TERB2: variants seen among roughly 807,000 people sequenced by gnomAD.
TERB2 encodes the protein telomere repeats-binding bouquet formation protein 2.
Under a neutral mutation model 29.8 loss-of-function variants are expected in TERB2, and 26 were observed. That is an observed-to-expected ratio of 0.87 (90% CI 0.64 to 1.21). The LOEUF is 1.21. TERB2 is among the 50% of genes most tolerant of loss of function. The pLI is 0.00. For synonymous variants in TERB2, 80 were observed against 90.8 expected (o/e 0.88, Z 0.68); for missense variants, 240 against 268.6 (o/e 0.89, Z 0.74).
chr15:44,966,791 T>G (rs890443546), intron 5 of TERB2, among the ~76,000 whole-genome samples: 10 of 152,204 alleles, frequency 6.6e-5, no homozygotes, highest in African/African-American at 2.4e-4. Context: ...ATTGCTTTAA[T>G]ATATTACGTT....
At chr15:44,961,236 A>C (rs1367603566) in intron 3 of TERB2, among the ~76,000 whole-genome samples, 2 of 135,882 alleles carry the variant, frequency 1.5e-5, no homozygotes, top group Non-Finnish European at 3.1e-5. Context: ...ACACACATCT[A>C]ATGTAGAGAT....
intron 4 of TERB2, chr15:44,963,021 G>A (rs1891830535): frequency 6.6e-6 from 1 of 152,068 alleles, no homozygotes; most frequent in East Asian, 1.9e-4. Flanking sequence ...AGATAAGGGT[G>A]GGAGAAGGAA....
At chr15:44,961,915 T>C (rs143276581) in intron 4 of TERB2, among the ~76,000 whole-genome samples, 1 of 152,064 alleles carries the variant, frequency 6.6e-6, no homozygotes, top group African/African-American at 2.4e-5. Flanking sequence ...GGCCAGGCTG[T>C]TCTCGAACTC....
At chr15:44,974,390 A>ATTC (rs1892013525) in intron 6 of TERB2, among the ~76,000 whole-genome samples, 1 of 152,228 alleles carries the variant, frequency 6.6e-6, no homozygotes. Context: ...ATTCAATATC[A>ATTC]AATATATAAA....
Position 44,957,371 on chromosome 15 carries a change from A to C in TERB2, c.146+394A>C, listed in dbSNP as rs1891733540. On this transcript the variant is annotated intron_variant, in intron 2 of 6. Coordinates refer to ENST00000340827, the MANE Select transcript of TERB2 (RefSeq NM_152448.3). ...CCTTTCCTTTCTGCTGCAGTGTCAC[A>C]GGCTTCTCCCTGGTCCTCGGGCCTC... Among the ~76,000 whole-genome samples, 8 of 152,134 alleles carry C rather than the reference A, an allele frequency of 5.3e-5. No individual in the cohort carries two copies. The South Asian group carries it at 1.7e-3, about 32-fold the overall frequency.
At chr15:44,969,415 AT>A (rs553634034) in intron 5 of TERB2, among the ~76,000 whole-genome samples, 28 of 149,828 alleles carry the variant, frequency 1.9e-4, no homozygotes, top group African/African-American at 4.4e-4. Flanking sequence ...GCCTAATTAA[AT>A]TTTTTTTTTG....
intron 5 of TERB2, among the ~76,000 whole-genome samples, chr15:44,973,072 G>A (rs984346742): frequency 5.9e-5 from 9 of 151,812 alleles, no homozygotes; most frequent in Admixed American, 2.0e-4. Flanking sequence ...GTAGAGATGG[G>A]CTTTCACCAT....
chr15:44,957,389 C>T (rs113643022), intron 2 of TERB2, among the ~76,000 whole-genome samples: 2,521 of 152,172 alleles, frequency 0.017, 22 homozygotes, highest in Middle Eastern at 0.031. Flanking sequence ...CCCTGGTCCT[C>T]GGGCCTCTTC....
At chr15:44,965,393 G>A (rs1208955207) in intron 4 of TERB2, among the ~76,000 whole-genome samples, 2 of 144,238 alleles carry the variant, frequency 1.4e-5, no homozygotes, top group Admixed American at 1.4e-4. Context: ...AATTTGTTCA[G>A]CTTTCTTTAT....
intron 2 of TERB2, among the ~76,000 whole-genome samples, chr15:44,957,791 C>G (rs1213052432): frequency 1.3e-5 from 2 of 152,040 alleles, no homozygotes; most frequent in East Asian, 3.9e-4. Context: ...TACCACCCTC[C>G]TTTCCTCACT....
rs1045278913 is a variant in TERB2, at chr15:44,956,906, G to C, written c.75G>C (p.Gly25=). ...CTCTTACCTCCACAGTGGCTGAAGGGGGAACGATCAGTGACCCGCGAGCCG... is the reference window on the plus strand; with the variant it reads ...CTCTTACCTCCACAGTGGCTGAAGGCGGAACGATCAGTGACCCGCGAGCCG... ...QDLRQFWVAE[G]GTISDPRAAD... The change falls in exon 2 of 7, where the codon GGG becomes GGC. Residue 25 remains glycine, a synonymous_variant. Transcript: ENST00000340827. The C allele has an allele frequency of 1.2e-6, 2 of 1,614,030 alleles. No individual in the cohort carries two copies. The highest frequency in any genetic ancestry group is 1.7e-6 in the Non-Finnish European group (2 of 1,179,990).
At position 44,976,387 on chromosome 15, in the gene TERB2, C is replaced by T. The variant is rs415675; in HGVS notation, c.524-2102C>T. ...AGTGGTTATTGGCAGGTGTTGGGTC[C>T]TTGCTGGATTTTGGCCAAAGGCTTC... On this transcript the variant is annotated intron_variant, in intron 6 of 6. Transcript: ENST00000340827. Among the ~76,000 whole-genome samples the T allele has an allele frequency of 1.4e-3, 220 of 152,084 alleles. 1 individual carries two copies. Among genetic ancestry groups the T allele is most frequent in the Non-Finnish European group, 2.2e-3 (153 of 68,028 alleles).
chr15:44,963,717 A>T (rs1241493020), intron 4 of TERB2, among the ~76,000 whole-genome samples: 2 of 152,024 alleles, frequency 1.3e-5, no homozygotes, highest in African/African-American at 4.8e-5. Context: ...CCACAAAAAT[A>T]AAAAGAGAGA....
intron 5 of TERB2, among the ~76,000 whole-genome samples, chr15:44,973,376 G>C (rs1450113577): frequency 6.6e-6 from 1 of 151,942 alleles, no homozygotes; most frequent in Non-Finnish European, 1.5e-5. Flanking sequence ...GTACTTTCAG[G>C]GATATGGAGA....
chr15:44,967,868 A>AT (rs1250349333), intron 5 of TERB2, among the ~76,000 whole-genome samples: 2 of 110,086 alleles, frequency 1.8e-5, no homozygotes, highest in Non-Finnish European at 3.6e-5. Flanking sequence ...AATTTATATA[A>AT]TTTTTTCAAG....
chr15:44,977,128 A>G (rs1175616369), intron 6 of TERB2, among the ~76,000 whole-genome samples: 1 of 137,764 alleles, frequency 7.3e-6, no homozygotes, highest in African/African-American at 2.8e-5. Flanking sequence ...CCAGAAAAAA[A>G]AACCCTAAAA....
At chr15:44,961,699 AGATT>A in intron 4 of TERB2, 115 bp downstream of exon 4, 1 of 653,244 alleles carries the variant, frequency 1.5e-6, no homozygotes. Context: ...TCAGATTAAG[AGATT>A]GATTTATTTA....
At chr15:44,964,430 G>A (rs913943632) in intron 4 of TERB2, among the ~76,000 whole-genome samples, 1 of 151,952 alleles carries the variant, frequency 6.6e-6, no homozygotes, top group African/African-American at 2.4e-5. Flanking sequence ...CCAGGAATGT[G>A]AGCAGTAATG....
intron 6 of TERB2, 36 bp downstream of exon 6, chr15:44,973,991 GGAAA>G (rs34341793): frequency 0.016 from 24,019 of 1,464,382 alleles, 256 homozygotes; most frequent in Admixed American, 0.035. Flanking sequence ...AACTCAGGTA[GGAAA>G]GAAACAAGGG....
Sources: allele counts gnomAD v4.1 joint callset (sites outside exome capture counted in the v4.1 genomes callset), GRCh38; gene constraint gnomAD v4.1.1; transcripts MANE v1.5; gene names NCBI Gene and HGNC (gene_info 2026-07-23, HGNC 2026-07-21).